The following VWF variants were observed in gnomAD, a reference collection of about 807,000 sequenced individuals.
The protein encoded by VWF is Factor VIII related antigen.
VWF carries 176 observed loss-of-function variants against 308.6 expected under a neutral mutation model. That is an observed-to-expected ratio of 0.57 (90% CI 0.50 to 0.65). The LOEUF (loss-of-function observed/expected upper bound fraction) is 0.65, where lower values mean the gene tolerates loss of function less well. VWF is among the 30% of genes least tolerant of loss of function. The pLI is 0.00. For synonymous variants in VWF, 1,385 were observed against 1,443.4 expected, an observed-to-expected ratio of 0.96 and a Z score of 0.92; for missense variants, 3,146 against 3,648.2, an observed-to-expected ratio of 0.86 and a Z score of 3.55.
chr12:6,101,735 G>A (rs1422168485), intron 5 of VWF, among the ~76,000 whole-genome samples: 2 of 151,878 alleles, frequency 1.3e-5, no homozygotes, highest in Admixed American at 6.6e-5. Context: ...GAGACACGCC[G>A]CTGCACTCCA....
intron 5 of VWF, among the ~76,000 whole-genome samples, chr12:6,099,341 A>C (rs1945137496): frequency 6.6e-6 from 1 of 150,754 alleles, no homozygotes; most frequent in Non-Finnish European, 1.5e-5. Flanking sequence ...AAAAAAAAAA[A>C]CCAAGGAAGC....
At chr12:6,003,356 G>A (rs1172990367) in intron 34 of VWF, among the ~76,000 whole-genome samples, 2 of 152,144 alleles carry the variant, frequency 1.3e-5, no homozygotes, top group Non-Finnish European at 2.9e-5. Flanking sequence ...CTGTATAAGA[G>A]CAGAGTTTTG....
intron 32 of VWF, 77 bp from the exon 33 acceptor site, chr12:6,012,207 G>A: frequency 5.3e-6 from 8 of 1,498,614 alleles, no homozygotes; most frequent in Non-Finnish European, 7.4e-6. Flanking sequence ...GTCTGCTTAA[G>A]CAACCTGGTC....
chr12:5,998,326 A>G (rs1046090714), intron 34 of VWF, among the ~76,000 whole-genome samples: 3 of 151,226 alleles, frequency 2.0e-5, no homozygotes, highest in South Asian at 2.1e-4. Context: ...GTGAAACCCC[A>G]ACTCTACTAA....
At chr12:5,956,332 A>G (rs1324255601) in intron 47 of VWF, among the ~76,000 whole-genome samples, 2 of 152,228 alleles carry the variant, frequency 1.3e-5, no homozygotes, top group Non-Finnish European at 2.9e-5. Flanking sequence ...GGAGTATTCC[A>G]GAAGAAGGCA....
At chr12:6,103,545 TACAC>T (rs139889348) in intron 5 of VWF, among the ~76,000 whole-genome samples, 25,759 of 123,878 alleles carry the variant, frequency 0.21, 3,328 homozygotes, top group East Asian at 0.44. Context: ...CATATATGTA[TACAC>T]ACACACACAC....
intron 41 of VWF, 70 bp downstream of exon 41, chr12:5,983,080 G>T: frequency 6.8e-7 from 1 of 1,464,124 alleles, no homozygotes; most frequent in East Asian, 2.4e-5. Context: ...AGAGGTCCCT[G>T]AGGAGGATGG....
At chr12:6,077,796 G>A (rs1423151664) in intron 6 of VWF, among the ~76,000 whole-genome samples, 1 of 152,106 alleles carries the variant, frequency 6.6e-6, no homozygotes, top group South Asian at 2.1e-4. Context: ...GGGAACCTGA[G>A]GCTTCTGAAA....
intron 6 of VWF, among the ~76,000 whole-genome samples, chr12:6,085,198 T>A (rs895820171): frequency 6.6e-6 from 1 of 152,190 alleles, no homozygotes; most frequent in Non-Finnish European, 1.5e-5. Flanking sequence ...TGGTTCCCAG[T>A]CTAGGGCCTA....
rs1053523 is a variant in VWF, at chr12:5,985,618, T to C, written c.6846A>G (p.Thr2282=). 0.14 allele frequency: 229,305 copies of C among 1,613,996 alleles called. 17,917 individuals carry two copies. The highest frequency in any genetic ancestry group is 0.19 in the African/African-American group (14,552 of 75,014). The change falls in exon 39 of 52, where the codon ACA becomes ACG. Residue 2282 remains threonine (T), a synonymous_variant. Coordinates refer to ENST00000261405, the MANE Select transcript of VWF (RefSeq NM_000552.5). ...VPDHQPCQIC[T]CLSGRKVNCT... ...AGTTGACCTTCCGCCCGCTGAGGCA[T>C]GTGCAGATCTGACAGGGCTGGTGGT...
At position 5,951,951 on chromosome 12, in the gene VWF, G is replaced by T. The variant is rs71581031; in HGVS notation, c.8116-68C>A. The T allele has an allele frequency of 8.4e-6, 13 of 1,542,830 alleles. No individual in the cohort carries two copies. The African/African-American group carries it at 1.5e-4, about 18-fold the overall frequency. ...GAGTAGACAGCTTTCAGGTCACTCC[G>T]GGCCAATTTTTAGCTCCGAACTCAC... is the stretch of plus-strand genomic sequence containing the variant. On this transcript the variant is annotated intron_variant, in intron 49 of 51. Transcript: ENST00000261405.
chr12:6,029,718 G>A (rs185680171), intron 21 of VWF, among the ~76,000 whole-genome samples: 92 of 152,216 alleles, frequency 6.0e-4, no homozygotes, highest in African/African-American at 2.1e-3. Context: ...ACCAAGAGAC[G>A]GTAACAGAGG....
chr12:6,085,728 G>A (rs1591908344), intron 6 of VWF, among the ~76,000 whole-genome samples: 1 of 137,534 alleles, frequency 7.3e-6, no homozygotes, highest in South Asian at 2.4e-4. Context: ...GAGGGGGGGC[G>A]CGGGGGGCGG....
At position 5,996,023 on chromosome 12, in the gene VWF, G is replaced by T; in HGVS notation, c.6042C>A (p.Val2014=). 2 of 1,613,058 alleles carry T rather than the reference G, an allele frequency of 1.2e-6. No homozygotes were observed. The highest frequency in any genetic ancestry group is 2.2e-5 in the South Asian group (2 of 90,962). The change falls in exon 35 of 52, where the codon GTC becomes GTA. Residue 2014 remains valine (V), a synonymous_variant. Coordinates refer to ENST00000261405, the MANE Select transcript of VWF (RefSeq NM_000552.5). ...TCACCTCCATGTCACTGTGCAGCTC[G>T]ACGGAGAGGGCACTGTGCTTCACCT... The part of the protein sequence containing the change: ...SIEVKHSALS[V]ELHSDMEVTV...
Position 5,968,719 on chromosome 12 carries a change from C to A in VWF, c.7729+492G>T, listed in dbSNP as rs149369230. 3.8e-3 allele frequency among the ~76,000 whole-genome samples: 572 copies of A among 152,296 alleles called. 4 individuals carry two copies. Among genetic ancestry groups the A allele is most frequent in the African/African-American group, 0.012 (518 of 41,548 alleles). ...CTGAGGCAGGAAAAGTGCTTGAACC[C>A]AGGAGGCCAAGGTTGCAGTGAGCCA... On this transcript the variant is annotated intron_variant, in intron 45 of 51. Transcript: ENST00000261405.
intron 41 of VWF, among the ~76,000 whole-genome samples, chr12:5,982,667 C>T (rs776635399): frequency 3.3e-5 from 5 of 152,142 alleles, no homozygotes; most frequent in Admixed American, 6.5e-5. Context: ...GAGGTAAATA[C>T]AGAATTTGGT....
chr12:6,069,135 C>T (rs1183130696), intron 10 of VWF, among the ~76,000 whole-genome samples: 1 of 152,230 alleles, frequency 6.6e-6, no homozygotes, highest in Middle Eastern at 3.4e-3. Flanking sequence ...GGATTACAGG[C>T]GTGAGCCACC....
chr12:6,120,992 G>C (rs1399165108), intron 3 of VWF, among the ~76,000 whole-genome samples, 182 bp downstream of exon 3: 1 of 152,176 alleles, frequency 6.6e-6, no homozygotes, highest in African/African-American at 2.4e-5. Context: ...CGGCTCCCGT[G>C]GGGAGAGACC....
chr12:6,003,816 T>C (rs796368004), intron 34 of VWF, among the ~76,000 whole-genome samples: 6 of 142,680 alleles, frequency 4.2e-5, no homozygotes, highest in Admixed American at 6.9e-5. Flanking sequence ...TTCTCTCTCT[T>C]TTTTTTTTTT....
Sources: allele counts gnomAD v4.1 joint callset (sites outside exome capture counted in the v4.1 genomes callset), GRCh38; gene constraint gnomAD v4.1.1; transcripts MANE v1.5; gene names NCBI Gene and HGNC (gene_info 2026-07-23, HGNC 2026-07-21).